Variants in EPM2A observed in about 807,000 individuals in gnomAD.
The protein encoded by EPM2A is EPM2A glucan phosphatase, laforin.
A neutral mutation model predicts 26.5 loss-of-function variants in EPM2A; 21 were observed. The ratio of observed to expected loss-of-function variants is 0.79; its 90% CI spans 0.56 to 1.14. The LOEUF (loss-of-function observed/expected upper bound fraction) is 1.14, where lower values mean the gene tolerates loss of function less well. Ranked by LOEUF, EPM2A falls within the 50% of genes most tolerant of loss-of-function variation. The pLI is 0.00. For synonymous variants in EPM2A, 217 were observed against 177.6 expected (o/e 1.22, Z -1.76); for missense variants, 458 against 440.8 (o/e 1.04, Z -0.35).
chr6:145,449,724 T>G (rs141256073), intron 4 of EPM2A, among the ~76,000 whole-genome samples: 244 of 152,328 alleles, frequency 1.6e-3, no homozygotes, highest in Non-Finnish European at 2.1e-3. Context: ...AGTATTTTTC[T>G]AAATTTCAGA....
At chr6:145,387,223 T>C (rs1270453792) in intron 4 of EPM2A, among the ~76,000 whole-genome samples, 2 of 152,172 alleles carry the variant, frequency 1.3e-5, no homozygotes. Context: ...ATATAGTAAA[T>C]GATATTCTCA....
chr6:145,660,786 C>CAAG lies in EPM2A; in HGVS notation c.477-25303_477-25301dup, dbSNP rs1332360361. 2.0e-5 allele frequency among the ~76,000 whole-genome samples: 3 copies of CAAG among 152,024 alleles called. No homozygotes were observed. In the East Asian group the frequency reaches 5.8e-4, roughly 29 times the overall value. ...CACTCCACTCCAGCCTGGGAGACAG[C>CAAG]AAGACTCTGCCATAAAATAACATAA... On this transcript the variant is annotated intron_variant, in intron 2 of 3. Coordinates refer to ENST00000367519, the MANE Select transcript of EPM2A (RefSeq NM_005670.4).
Position 145,627,514 on chromosome 6 carries a change from T to C in EPM2A, c.898A>G (p.Arg300Gly), listed in dbSNP as rs780627770. 6.2e-7 allele frequency: 1 copy of C among 1,614,266 alleles called. No individual in the cohort carries two copies. The highest frequency in any genetic ancestry group is 1.1e-5 in the South Asian group (1 of 91,090). ...RKVQYFLMAK[R>G]PAVYIDEEAL... Reference sequence around the variant, plus strand: ...TCTTCGTCAATGTAGACAGCCGGCCTCTTGGCCATGAGGAAATACTGCACC... The same window carrying C: ...TCTTCGTCAATGTAGACAGCCGGCCCCTTGGCCATGAGGAAATACTGCACC... Residue 300 changes from arginine to glycine, a missense_variant, in exon 4 of 4, where the codon AGG (arginine) becomes GGG (glycine). Arg to Gly is a moderately radical substitution (Grantham distance 125). Transcript: ENST00000367519.
chr6:145,459,925 C>A (rs1273263669), intron 4 of EPM2A, among the ~76,000 whole-genome samples: 1 of 152,148 alleles, frequency 6.6e-6, no homozygotes, highest in Non-Finnish European at 1.5e-5. Context: ...CCAACCCTCT[C>A]ATTTAGCAAT....
intron 1 of EPM2A, among the ~76,000 whole-genome samples, chr6:145,698,000 G>T (rs1272905847): frequency 2.0e-5 from 3 of 151,470 alleles, no homozygotes; most frequent in Non-Finnish European, 4.4e-5. Context: ...AGTGATAAGT[G>T]TCCATGAAAT....
chr6:145,667,992 T>C (rs1274945694), intron 2 of EPM2A, among the ~76,000 whole-genome samples: 1 of 135,318 alleles, frequency 7.4e-6, no homozygotes, highest in Non-Finnish European at 1.5e-5. Context: ...TGAAGGGGAA[T>C]ACCACACTCT....
At chr6:145,728,262 A>C (rs905707438) in intron 1 of EPM2A, among the ~76,000 whole-genome samples, 3 of 152,218 alleles carry the variant, frequency 2.0e-5, no homozygotes, top group African/African-American at 7.2e-5. Context: ...ATACCTGAAA[A>C]TGTGGAAGCA....
intron 4 of EPM2A, among the ~76,000 whole-genome samples, chr6:145,455,612 C>T (rs1343446882): frequency 6.6e-6 from 1 of 152,188 alleles, no homozygotes; most frequent in Non-Finnish European, 1.5e-5. Flanking sequence ...CCCGCCTCGG[C>T]ATCCAAAGTG....
At chr6:145,455,104 A>G (rs1341258805) in intron 4 of EPM2A, among the ~76,000 whole-genome samples, 1 of 152,092 alleles carries the variant, frequency 6.6e-6, no homozygotes, top group African/African-American at 2.4e-5. Flanking sequence ...TAATAGAGAT[A>G]TTGACTCTAA....
Position 145,735,228 on chromosome 6 carries a change from G to T in EPM2A, c.271C>A (p.Arg91=). 2 of 1,537,696 alleles carry T rather than the reference G, an allele frequency of 1.3e-6. No individual in the cohort carries two copies. Among genetic ancestry groups the T allele is most frequent in the Admixed American group, 1.9e-5 (1 of 51,756 alleles). The change falls in exon 1 of 4, where the codon CGG becomes AGG. Residue 91 remains arginine (R), a synonymous_variant. Coordinates refer to ENST00000367519, the MANE Select transcript of EPM2A (RefSeq NM_005670.4). The part of the protein sequence containing the change: ...VDTFWYKFLK[R]EPGGELSWEG... ...CAGGAGAGCTCTCCTCCCGGCTCCC[G>T]CTTCAGGAACTTGTACCAGAACGTG...
intron 3 of EPM2A, chr6:145,630,864 A>T (rs1315876978): frequency 6.6e-6 from 1 of 152,198 alleles, no homozygotes; most frequent in Middle Eastern, 3.2e-3. Context: ...CAATTTATAT[A>T]TGAACAAATT....
intron 4 of EPM2A, among the ~76,000 whole-genome samples, chr6:145,390,370 C>G (rs911749428): frequency 1.3e-5 from 2 of 151,630 alleles, no homozygotes; most frequent in African/African-American, 2.4e-5. Flanking sequence ...GAATAATGTT[C>G]GAACAAGTAT....
intron 2 of EPM2A, among the ~76,000 whole-genome samples, chr6:145,558,106 C>T (rs145331717): frequency 0.017 from 2,543 of 152,152 alleles, 23 homozygotes; most frequent in Admixed American, 0.024. Context: ...GGATTTCCTT[C>T]TTTATTAAGG....
At chr6:145,646,328 T>C (rs939980127) in intron 2 of EPM2A, among the ~76,000 whole-genome samples, 2 of 151,848 alleles carry the variant, frequency 1.3e-5, no homozygotes, top group African/African-American at 4.8e-5. Flanking sequence ...GGCTAATTTT[T>C]TTTTTTAATT....
At chr6:145,429,044 G>A (rs1231037644) in intron 4 of EPM2A, among the ~76,000 whole-genome samples, 1 of 152,174 alleles carries the variant, frequency 6.6e-6, no homozygotes, top group Admixed American at 6.5e-5. Flanking sequence ...GTCAGTCAAT[G>A]AAGTATTTTT....
intron 2 of EPM2A, among the ~76,000 whole-genome samples, chr6:145,505,887 C>T (rs1582807825): frequency 6.6e-6 from 1 of 152,254 alleles, no homozygotes; most frequent in Middle Eastern, 3.4e-3. Flanking sequence ...TGCTTTTAAA[C>T]ATTTTAAACT....
At chr6:145,505,622 AAACCCTACACTT>A (rs916390461) in intron 2 of EPM2A, among the ~76,000 whole-genome samples, 1 of 152,136 alleles carries the variant, frequency 6.6e-6, no homozygotes, top group Non-Finnish European at 1.5e-5. Context: ...ACAAAACAAA[AAACCCTACACTT>A]ATTTTTTTAA....
chr6:145,491,309 C>G lies in EPM2A; in HGVS notation c.555+11213G>C. On this transcript the variant is annotated intron_variant, in intron 4 of 4. Transcript: ENST00000638717. The stretch of plus-strand genomic sequence containing the variant: ...ATTGGAACCGGTTGCACTCAACCTG[C>G]CACAGGAGGGAGCATGCAGGTGAGC... The G allele has an allele frequency of 8.8e-6, 3 of 340,970 alleles. No individual in the cohort carries two copies. In the East Asian group the frequency reaches 2.3e-4, roughly 27 times the overall value. 21.1% of individuals were successfully genotyped at this position (340,970 alleles called of 1,614,324 possible).
chr6:145,621,954 A>T (rs1775646556), downstream of EPM2A, among the ~76,000 whole-genome samples: 1 of 151,984 alleles, frequency 6.6e-6, no homozygotes, highest in Admixed American at 6.6e-5. Context: ...ATGCACTTCC[A>T]CTTGCTTATT....
Sources: gnomAD v4.1 joint callset for allele counts (sites outside exome capture counted in the v4.1 genomes callset) on GRCh38, gnomAD v4.1.1 for gene constraint, MANE v1.5 for transcripts, NCBI Gene and HGNC (gene_info 2026-07-23, HGNC 2026-07-21) for gene names.